The following ZNF445 variants were observed in gnomAD, a reference collection of about 807,000 sequenced individuals.
ZNF445 encodes zinc finger protein 445, also known as zinc finger protein 168.
In ZNF445, 19 loss-of-function variants were observed where a neutral mutation model predicts 93.9. The ratio of observed to expected loss-of-function variants is 0.20; its 90% confidence interval spans 0.14 to 0.30. The LOEUF (loss-of-function observed/expected upper bound fraction) is 0.30. Among genes scored for constraint, ZNF445 ranks in the 10% least tolerant of loss-of-function variants. The pLI, the probability that ZNF445 is intolerant of heterozygous loss-of-function variation, is 1.00. For missense variants in ZNF445, 1,058 were observed against 1,259.4 expected (o/e 0.84, Z 2.42); for synonymous variants, 449 against 446.3 (o/e 1.01, Z -0.08).
intron 1 of ZNF445, among the ~76,000 whole-genome samples, chr3:44,473,488 CACAA>C (rs766666634): frequency 0.015 from 860 of 58,092 alleles, 5 homozygotes; most frequent in East Asian, 0.069. Context: ...CACACACACA[CACAA>C]AAAATGCTTT....
intron 3 of ZNF445, among the ~76,000 whole-genome samples, chr3:44,453,648 T>C (rs1315548546): frequency 6.6e-6 from 1 of 152,114 alleles, no homozygotes; most frequent in Non-Finnish European, 1.5e-5. Flanking sequence ...AATGCTTTTT[T>C]AAAAAACTGT....
At chr3:44,458,029 A>G (rs1489319374) in intron 2 of ZNF445, among the ~76,000 whole-genome samples, 1 of 151,424 alleles carries the variant, frequency 6.6e-6, no homozygotes, top group Non-Finnish European at 1.5e-5. Context: ...AAAAAAAAAA[A>G]AAGGATCAGA....
Position 44,446,719 on chromosome 3 carries a change from C to G in ZNF445, c.2952G>C (p.Gly984=), listed in dbSNP as rs1697882500. The change falls in exon 8 of 8, where the codon GGG becomes GGC. Residue 984 remains glycine (G), a synonymous_variant. Coordinates refer to ENST00000396077, the MANE Select transcript of ZNF445 (RefSeq NM_181489.6). This position sits in a 1 kb window ranked among gnomAD's most constrained non-coding sequence, Gnocchi z 4.2. ...GTTGTGAACTCTTGTTAAAAGTTTT[C>G]CCACATATGCTGCATTTGTGGCACT... ...GKKCHKCSIC[G]KTFNKSSQLI... 6.2e-7 allele frequency: 1 copy of G among 1,614,066 alleles called. No individual in the cohort carries two copies. The highest frequency in any genetic ancestry group is 1.1e-5 in the South Asian group (1 of 91,084).
At chr3:44,477,255 T>C (rs1698374555) in intron 1 of ZNF445, among the ~76,000 whole-genome samples, 1 of 152,254 alleles carries the variant, frequency 6.6e-6, no homozygotes, top group Non-Finnish European at 1.5e-5. Context: ...GAGACAGATT[T>C]CAGGATTGCG....
intron 1 of ZNF445, among the ~76,000 whole-genome samples, chr3:44,470,585 T>C (rs138634196): frequency 6.6e-4 from 101 of 152,332 alleles, no homozygotes; most frequent in African/African-American, 2.3e-3. Flanking sequence ...ATTTATGTCT[T>C]AAAGCAAATG....
chr3:44,460,285 G>A (rs550172984), intron 1 of ZNF445, among the ~76,000 whole-genome samples: 44 of 152,250 alleles, frequency 2.9e-4, no homozygotes, highest in South Asian at 1.2e-3. Context: ...TCCTGGGTAC[G>A]GATGGAACTA....
In ZNF445 at chr3:44,448,377, T is replaced by G; in HGVS notation, c.1294A>C (p.Lys432Gln). The G allele has an allele frequency of 1.2e-6, 2 of 1,614,220 alleles. No individual in the cohort carries two copies. Among genetic ancestry groups the G allele is most frequent in the South Asian group, 2.2e-5 (2 of 91,082 alleles). Reference protein sequence around the residue: ...RMSSHHYDYKKYGKGLRHMIG... With the variant: ...RMSSHHYDYKQYGKGLRHMIG... ...ATGTGTCTGAGCCCCTTCCCATATTTCTTGTAGTCATAGTGGTGTGAACTC... is the reference window on the plus strand; with the variant it reads ...ATGTGTCTGAGCCCCTTCCCATATTGCTTGTAGTCATAGTGGTGTGAACTC... Residue 432 changes from lysine to glutamine, a missense_variant, in exon 8 of 8, where the codon AAA becomes CAA. This residue lies in a region of ZNF445 where 657 missense variants were observed against 746.4 expected (regional missense o/e 0.88). Coordinates refer to ENST00000396077, the MANE Select transcript of ZNF445 (RefSeq NM_181489.6).
chr3:44,451,123 G>C (rs575653532), intron 4 of ZNF445, among the ~76,000 whole-genome samples, 161 bp from the exon 5 acceptor site: 2 of 152,264 alleles, frequency 1.3e-5, no homozygotes, highest in East Asian at 3.9e-4. Flanking sequence ...CAGGAAAGGG[G>C]TAGTGGGATG....
rs902654239 is a variant in ZNF445 at position 44,445,730 on chromosome 3, T to C, written c.*845A>G. 6.6e-6 allele frequency: 1 copy of C among 152,504 alleles called. No individual in the cohort carries two copies. The highest frequency in any genetic ancestry group is 2.4e-5 in the African/African-American group (1 of 41,470). The allele number at this position is 152,504 out of a possible 1,614,324, so 9.4% of individuals were successfully genotyped here. On this transcript the variant is annotated 3_prime_UTR_variant, in exon 8 of 8. Transcript: ENST00000396077. ...TCCCAATCCAGCACTCCCTCTGCTCTTCTCTGATTCACTTTGTCCACTACA... is the reference window on the plus strand; with the variant it reads ...TCCCAATCCAGCACTCCCTCTGCTCCTCTCTGATTCACTTTGTCCACTACA...
rs1257783542 is a variant in ZNF445, at chr3:44,441,231, C to T, written c.*5344G>A. ...CCAGGCCTGCCATGGCGTTTGTAAA[C>T]TGTCATGGCACTGGTGGGAGTGTCT... On this transcript the variant is annotated 3_prime_UTR_variant, in exon 8 of 8. Transcript: ENST00000396077. 6.6e-6 allele frequency: 1 copy of T among 152,192 alleles called. No homozygotes were observed. Among genetic ancestry groups the T allele is most frequent in the Non-Finnish European group, 1.5e-5 (1 of 68,064 alleles). 9.4% of individuals were successfully genotyped at this position (152,192 alleles called of 1,614,324 possible). A position where few individuals can be genotyped will look rare whatever the true frequency, so the allele number is the denominator to read the frequency against.
chr3:44,465,087 A>T (rs1053275957), intron 1 of ZNF445, among the ~76,000 whole-genome samples: 4 of 151,316 alleles, frequency 2.6e-5, no homozygotes, highest in African/African-American at 9.7e-5. Context: ...AAAAAAAAAA[A>T]ATCGCTTACT....
At chr3:44,476,917 AAT>A (rs773033519) in intron 1 of ZNF445, among the ~76,000 whole-genome samples, 2 of 152,226 alleles carry the variant, frequency 1.3e-5, no homozygotes, top group Admixed American at 6.5e-5. Flanking sequence ...CCAAAAAAAA[AAT>A]GTTTTAGTGG....
chr3:44,470,382 T>C (rs1304748891), intron 1 of ZNF445, among the ~76,000 whole-genome samples: 1 of 152,204 alleles, frequency 6.6e-6, no homozygotes. Context: ...TGTATACGCA[T>C]GTATGTGAAT....
chr3:44,447,301 A>G lies in ZNF445; in HGVS notation c.2370T>C (p.Tyr790=), dbSNP rs778262116. The G allele has an allele frequency of 2.5e-6, 4 of 1,614,030 alleles. No homozygotes were observed. Among genetic ancestry groups the G allele is most frequent in the Non-Finnish European group, 3.4e-6 (4 of 1,180,040 alleles). ...HQRVHTGEKP[Y]KCRECGKAFR... is the part of the protein sequence containing the mutation. ...AGGCTTTCCCACACTCCCTGCACTT[A>G]TATGGCTTCTCTCCAGTGTGAACTC... is the stretch of plus-strand genomic sequence containing the variant. Residue 790 remains tyrosine (Y), a synonymous_variant, in exon 8 of 8, where the codon TAT becomes TAC. Transcript: ENST00000396077. This position sits in a 1 kb window ranked among gnomAD's most constrained non-coding sequence, Gnocchi z 4.7.
intron 1 of ZNF445, among the ~76,000 whole-genome samples, chr3:44,476,565 A>G (rs1332683913): frequency 6.6e-6 from 1 of 152,162 alleles, no homozygotes; most frequent in Non-Finnish European, 1.5e-5. Flanking sequence ...CTTCCTTGCA[A>G]AACAACCAAC....
rs1432223514 is a variant in ZNF445, at chr3:44,455,280, G to A, written c.270C>T (p.Ser90=). The change falls in exon 3 of 8, where the codon TCC becomes TCT. Residue 90 remains serine (S), a synonymous_variant. Coordinates refer to ENST00000396077, the MANE Select transcript of ZNF445 (RefSeq NM_181489.6). ...CCAGCAGCTCTAGGATCTGTGCCTT[G>A]GAGAGAACGTCAGGCCTCAGCCACC... ...CRWWLRPDVL[S]KAQILELLVL... is the part of the protein sequence containing the mutation. 6.2e-7 allele frequency: 1 copy of A among 1,614,210 alleles called. No individual in the cohort carries two copies. Among genetic ancestry groups the A allele is most frequent in the Non-Finnish European group, 8.5e-7 (1 of 1,180,030 alleles).
At chr3:44,460,200 A>T (rs1227491614) in intron 1 of ZNF445, among the ~76,000 whole-genome samples, 1 of 152,210 alleles carries the variant, frequency 6.6e-6, no homozygotes, top group African/African-American at 2.4e-5. Flanking sequence ...TTGCAAAATT[A>T]TGACTTAGAC....
At chr3:44,458,779 T>C (rs1040939371) in intron 1 of ZNF445, among the ~76,000 whole-genome samples, 1 of 152,196 alleles carries the variant, frequency 6.6e-6, no homozygotes, top group African/African-American at 2.4e-5. Flanking sequence ...CTTTTCTGTC[T>C]TTCTGCTGGC....
chr3:44,473,879 GAATA>G (rs779654276), intron 1 of ZNF445, among the ~76,000 whole-genome samples: 248 of 152,240 alleles, frequency 1.6e-3, no homozygotes, highest in African/African-American at 5.6e-3. Flanking sequence ...ATAACTGATT[GAATA>G]AATAAATAAC....
Sources: gnomAD v4.1 joint callset for allele counts (sites outside exome capture counted in the v4.1 genomes callset) on GRCh38, gnomAD v4.1.1 for gene constraint, gnomAD v4.1.1 regional missense constraint, Gnocchi (gnomAD v3.1) non-coding constraint, MANE v1.5 for transcripts, NCBI Gene and HGNC (gene_info 2026-07-23, HGNC 2026-07-21) for gene names.